Variants in HDAC4 observed in about 807,000 individuals in gnomAD.
The protein encoded by HDAC4 is histone deacetylase A.
Under a neutral mutation model 135.1 loss-of-function variants are expected in HDAC4, and 16 were observed. The observed-to-expected ratio is 0.12, with a 90% CI of 0.08 to 0.18. HDAC4 has a LOEUF of 0.18. Ranked by LOEUF, HDAC4 falls within the 10% of genes least tolerant of loss-of-function variation. HDAC4 has a pLI of 1.00. For missense variants in HDAC4, 1,143 were observed against 1,511.8 expected, an observed-to-expected ratio of 0.76 and a Z score of 4.05; for synonymous variants, 685 against 653.4, an observed-to-expected ratio of 1.05 and a Z score of -0.74.
intron 13 of HDAC4, among the ~76,000 whole-genome samples, 166 bp from the exon 14 acceptor site, chr2:239,111,878 G>T (rs1047003832): frequency 5.3e-5 from 8 of 152,216 alleles, no homozygotes; most frequent in African/African-American, 1.9e-4. Context: ...CCCTGTGAGT[G>T]CCCTGAAGCC....
At chr2:239,058,632 T>C (rs1434850530) in intron 24 of HDAC4, among the ~76,000 whole-genome samples, 1 of 152,236 alleles carries the variant, frequency 6.6e-6, no homozygotes, top group African/African-American at 2.4e-5. Context: ...TTACTGGATA[T>C]ACAGGTTATT....
rs1179419034 is a variant in HDAC4, at chr2:239,141,913, G to T, written c.866-2117C>A. Reference sequence around the variant, plus strand: ...TTCATATAAATGCATAATCTTCATAGTATTACTTAGATCAGCAAAACGGGA... The same window carrying T: ...TTCATATAAATGCATAATCTTCATATTATTACTTAGATCAGCAAAACGGGA... On this transcript the variant is annotated intron_variant, in intron 8 of 26. Coordinates refer to ENST00000543185, the MANE Select transcript of HDAC4 (RefSeq NM_001378414.1). This position sits in a 1 kb window ranked among gnomAD's most constrained non-coding sequence, Gnocchi z 4.9. 6.6e-6 allele frequency among the ~76,000 whole-genome samples: 1 copy of T among 152,196 alleles called. No individual in the cohort carries two copies. The highest frequency in any genetic ancestry group is 1.5e-5 in the Non-Finnish European group (1 of 68,040).
At chr2:239,339,503 G>A (rs1692161247) in intron 2 of HDAC4, among the ~76,000 whole-genome samples, 1 of 152,208 alleles carries the variant, frequency 6.6e-6, no homozygotes, top group Non-Finnish European at 1.5e-5. Flanking sequence ...CTGGACATGG[G>A]TGAGGAGCAC....
At chr2:239,072,805 G>A (rs951078481) in intron 22 of HDAC4, among the ~76,000 whole-genome samples, 14 of 152,212 alleles carry the variant, frequency 9.2e-5, no homozygotes, top group African/African-American at 2.9e-4. Context: ...ACCCCTTTTC[G>A]GGGATGACCG....
rs2052403269 is a variant in HDAC4, at chr2:239,303,667, C to T, written c.22+49011G>A. On this transcript the variant is annotated intron_variant, in intron 2 of 26. Transcript: ENST00000543185. This position sits in a 1 kb window ranked among gnomAD's most constrained non-coding sequence, Gnocchi z 5.1. ...GCTGCCTCAAGTAAAAAATTCAAGT[C>T]AGCCCTGATGCTGTCCATGTTTTTT... 6.6e-6 allele frequency among the ~76,000 whole-genome samples: 1 copy of T among 152,032 alleles called. No individual in the cohort carries two copies.
At chr2:239,368,309 A>C (rs12232929) in intron 1 of HDAC4, among the ~76,000 whole-genome samples, 53,468 of 151,978 alleles carry the variant, frequency 0.35, 10,575 homozygotes, top group East Asian at 0.72. Context: ...GCAGAGACAC[A>C]GGAACTTGGC....
chr2:239,267,999 T>C (rs185287724), intron 2 of HDAC4, among the ~76,000 whole-genome samples: 3 of 152,388 alleles, frequency 2.0e-5, no homozygotes, highest in African/African-American at 7.2e-5. Flanking sequence ...CAGGCTATAC[T>C]TGAATTCCAG....
intron 15 of HDAC4, among the ~76,000 whole-genome samples, chr2:239,104,998 G>A (rs1210720258): frequency 6.6e-6 from 1 of 152,222 alleles, no homozygotes; most frequent in Non-Finnish European, 1.5e-5. Flanking sequence ...CTCGGGCTGT[G>A]CGTGCGGGAC....
intron 3 of HDAC4, among the ~76,000 whole-genome samples, chr2:239,234,392 G>C (rs1255849356): frequency 6.6e-6 from 1 of 152,176 alleles, no homozygotes; most frequent in Non-Finnish European, 1.5e-5. Context: ...GCGTCATGGG[G>C]CAGCCTTCCC....
At chr2:239,081,264 A>C (rs955029040) in intron 21 of HDAC4, 72 bp from the exon 22 acceptor site, 7 of 1,318,110 alleles carry the variant, frequency 5.3e-6, no homozygotes, top group Non-Finnish European at 7.5e-6. Flanking sequence ...CGCCTGATGC[A>C]GGTGGCACCG....
At chr2:239,373,604 C>T (rs1694787889) in intron 1 of HDAC4, among the ~76,000 whole-genome samples, 1 of 152,146 alleles carries the variant, frequency 6.6e-6, no homozygotes, top group African/African-American at 2.4e-5. Context: ...GCTGGGATTA[C>T]AGGCGTGCAC....
At chr2:239,143,141 C>T (rs766924432) in intron 8 of HDAC4, among the ~76,000 whole-genome samples, 10 of 152,272 alleles carry the variant, frequency 6.6e-5, no homozygotes, top group African/African-American at 1.4e-4. Flanking sequence ...ACTATTTTTG[C>T]GCCCAGCCCA....
intron 6 of HDAC4, among the ~76,000 whole-genome samples, chr2:239,159,186 CACT>C (rs1415271385): frequency 6.6e-6 from 1 of 151,044 alleles, no homozygotes; most frequent in African/African-American, 2.4e-5. Flanking sequence ...CCCCAATTCA[CACT>C]ACTCCCACCC....
intron 2 of HDAC4, among the ~76,000 whole-genome samples, chr2:239,249,481 C>T (rs2048658765): frequency 6.6e-6 from 1 of 152,156 alleles, no homozygotes; most frequent in African/African-American, 2.4e-5. Context: ...ATCCAAAATG[C>T]AGATTTGATG....
At chr2:239,252,337 T>G (rs562487112) in intron 2 of HDAC4, among the ~76,000 whole-genome samples, 1 of 152,320 alleles carries the variant, frequency 6.6e-6, no homozygotes, top group South Asian at 2.1e-4. Flanking sequence ...AGGACTGGAC[T>G]AAGCACCCAC....
chr2:239,320,632 G>C (rs2053277484), intron 2 of HDAC4, among the ~76,000 whole-genome samples: 1 of 152,098 alleles, frequency 6.6e-6, no homozygotes, highest in South Asian at 2.1e-4. Context: ...TGATTCTAGT[G>C]GGTTTCTGAT....
intron 3 of HDAC4, among the ~76,000 whole-genome samples, chr2:239,199,397 C>G (rs2045613613): frequency 1.3e-5 from 2 of 152,208 alleles, no homozygotes; most frequent in Admixed American, 1.3e-4. Context: ...CAGCCCCTCT[C>G]CATGTGTTAG....
intron 16 of HDAC4, among the ~76,000 whole-genome samples, chr2:239,100,753 T>C (rs918013705): frequency 2.0e-5 from 3 of 151,910 alleles, no homozygotes; most frequent in Non-Finnish European, 4.4e-5. Flanking sequence ...CACAGAGGGG[T>C]CTCCTGTCTG....
At chr2:239,135,146 G>A (rs2040862098) in intron 9 of HDAC4, among the ~76,000 whole-genome samples, 1 of 152,240 alleles carries the variant, frequency 6.6e-6, no homozygotes, top group South Asian at 2.1e-4. Context: ...AAGCACCGGA[G>A]AGGATGGACA....
Sources: allele counts gnomAD v4.1 joint callset (sites outside exome capture counted in the v4.1 genomes callset), GRCh38; gene constraint gnomAD v4.1.1; non-coding constraint Gnocchi (gnomAD v3.1); transcripts MANE v1.5; gene names NCBI Gene and HGNC (gene_info 2026-07-23, HGNC 2026-07-21).